MMAB: variants seen among roughly 807,000 people sequenced by gnomAD.
MMAB encodes the protein corrinoid adenosyltransferase MMAB.
Under a neutral mutation model 30.6 loss-of-function variants are expected in MMAB, and 17 were observed. The observed-to-expected ratio is 0.56, with a 90% CI of 0.38 to 0.83. The LOEUF is 0.83. Ranked by LOEUF, MMAB falls within the 40% of genes least tolerant of loss-of-function variation. MMAB has a pLI of 0.00. For synonymous variants in MMAB, 134 were observed against 138.6 expected, an observed-to-expected ratio of 0.97 and a Z score of 0.23; for missense variants, 311 against 331.6, an observed-to-expected ratio of 0.94 and a Z score of 0.48.
chr12:109,567,254 T>G, intron 3 of MMAB: 1 of 350,576 alleles, frequency 2.9e-6, no homozygotes, highest in South Asian at 2.2e-5. Context: ...AAACATGGAA[T>G]CATCTCATTT....
rs1230233128 is a variant in MMAB at position 109,561,738 on chromosome 12, AC to A, written c.421+41del. The A allele has an allele frequency of 1.9e-6, 3 of 1,538,936 alleles. No individual in the cohort carries two copies. The highest frequency in any genetic ancestry group is 2.7e-6 in the Non-Finnish European group (3 of 1,126,182). Reference sequence around the variant, plus strand: ...ATGGTGACCCTAGGAGAGTCCCCTGACCCTAGGGCCCTCTGAACACCCACAG... The same window carrying A: ...ATGGTGACCCTAGGAGAGTCCCCTGACCTAGGGCCCTCTGAACACCCACAG... On this transcript the variant is annotated intron_variant, in intron 5 of 8. Coordinates refer to ENST00000545712, the MANE Select transcript of MMAB (RefSeq NM_052845.4). This position sits in a 1 kb window ranked among gnomAD's most constrained non-coding sequence, Gnocchi z 5.3.
chr12:109,562,097 C>A (rs1293764630), intron 4 of MMAB, among the ~76,000 whole-genome samples: 1 of 152,130 alleles, frequency 6.6e-6, no homozygotes, highest in African/African-American at 2.4e-5. Context: ...TTAGCCCCAG[C>A]CCCCTAGTGC....
At position 109,573,459 on chromosome 12, in the gene MMAB, TC is replaced by T. The variant is rs1328916645; in HGVS notation, c.21del (p.Ser8AlafsTer85). MAVCGL[G>X]SRLGLGSRLG... is the part of the protein sequence containing the mutation. ...AGACGGCTCCCCAGGCCAAGACGGCTCCCCAGGCCGCACACAGCCATGAGCC... is the reference window on the plus strand; with the variant it reads ...AGACGGCTCCCCAGGCCAAGACGGCTCCCAGGCCGCACACAGCCATGAGCC... On this transcript the variant is annotated frameshift_variant, in exon 1 of 9. Coordinates refer to ENST00000545712, the MANE Select transcript of MMAB (RefSeq NM_052845.4). LOFTEE classifies it high-confidence loss of function. 1.2e-6 allele frequency: 2 copies of T among 1,606,130 alleles called. No homozygotes were observed. Among genetic ancestry groups the T allele is most frequent in the South Asian group, 1.1e-5 (1 of 90,506 alleles).
chr12:109,570,591 G>T (rs993673121), intron 2 of MMAB, among the ~76,000 whole-genome samples: 1 of 152,080 alleles, frequency 6.6e-6, no homozygotes, highest in South Asian at 2.1e-4. Context: ...TACTGTCTTG[G>T]TGCGGTAGCT....
chr12:109,571,046 C>G (rs909175334), intron 2 of MMAB, among the ~76,000 whole-genome samples: 3 of 152,140 alleles, frequency 2.0e-5, no homozygotes, highest in Non-Finnish European at 4.4e-5. Flanking sequence ...TTGTTCCCCT[C>G]TCACAACTTA....
chr12:109,571,126 T>G (rs1884614836), intron 2 of MMAB, among the ~76,000 whole-genome samples: 2 of 152,342 alleles, frequency 1.3e-5, no homozygotes, highest in Admixed American at 1.3e-4. Context: ...CACACATATA[T>G]GTACATGCTT....
At position 109,556,233 on chromosome 12, in the gene MMAB, C is replaced by T. The variant is rs1362509722; in HGVS notation, c.*795G>A. On this transcript the variant is annotated 3_prime_UTR_variant, in exon 9 of 9. Transcript: ENST00000545712. ...GAGAAATCAGTCTGGTGGATGTCAG[C>T]CTTGCTGGAAACTGACAACCTCATT... 1 of 454,078 alleles carries T rather than the reference C, an allele frequency of 2.2e-6. No individual in the cohort carries two copies. Among genetic ancestry groups the T allele is most frequent in the South Asian group, 1.6e-5 (1 of 64,472 alleles). The allele number at this position is 454,078 out of a possible 1,614,324, so 28.1% of individuals were successfully genotyped here. A position where few individuals can be genotyped will look rare whatever the true frequency, so the allele number is the denominator to read the frequency against.
In MMAB at chr12:109,561,499, G is replaced by A. The variant is rs557920029; in HGVS notation, c.440C>T (p.Ala147Val). ...CTGCTCCAGCTCCAGGATGGGCCCCGCCTTGAACGTGGTATACTCTGAGGA... is the reference window on the plus strand; with the variant it reads ...CTGCTCCAGCTCCAGGATGGGCCCCACCTTGAACGTGGTATACTCTGAGGA... ...EAHLKYTTFK[A>V]GPILELEQWI... Residue 147 changes from alanine to valine, a missense_variant, in exon 6 of 9, where the codon GCG becomes GTG. Transcript: ENST00000545712. The surrounding 1 kb of genome is among the most constrained non-coding windows in gnomAD (Gnocchi z 5.3). 15 of 1,549,504 alleles carry A rather than the reference G, an allele frequency of 9.7e-6. No individual in the cohort carries two copies. Among genetic ancestry groups the A allele is most frequent in the Non-Finnish European group, 1.3e-5 (15 of 1,146,944 alleles).
At chr12:109,566,198 C>T (rs1311627673) in intron 3 of MMAB, among the ~76,000 whole-genome samples, 2 of 152,242 alleles carry the variant, frequency 1.3e-5, no homozygotes, top group Non-Finnish European at 2.9e-5. Context: ...TGCACTCACT[C>T]TCCTATCACC....
chr12:109,560,573 G>A (rs1204169920), intron 7 of MMAB, among the ~76,000 whole-genome samples: 1 of 152,142 alleles, frequency 6.6e-6, no homozygotes, highest in African/African-American at 2.4e-5. Context: ...TGCTGACAAC[G>A]TCCACCTGGG....
In MMAB at chr12:109,573,497, C is replaced by A; in HGVS notation, c.-17G>T. On this transcript the variant is annotated 5_prime_UTR_variant, in exon 1 of 9. Coordinates refer to ENST00000545712, the MANE Select transcript of MMAB (RefSeq NM_052845.4). ...CACAGCCATGAGCCAGGCTGCTTGA[C>A]GGGACCTGACCCCGCCAGGTTCCCG... 2 of 1,591,618 alleles carry A rather than the reference C, an allele frequency of 1.3e-6. No homozygotes were observed. Among genetic ancestry groups the A allele is most frequent in the African/African-American group, 2.7e-5 (2 of 74,778 alleles).
Position 109,554,611 on chromosome 12 carries a change from GGT to G in MMAB, c.*2415_*2416del, listed in dbSNP as rs1469036081. The stretch of plus-strand genomic sequence containing the variant: ...CTGATTGTTTCTGAGAGTTGCCAGT[GGT>G]GTGCAAACACTGGGGCAGCGGGGGC... On this transcript the variant is annotated 3_prime_UTR_variant, in exon 9 of 9. Coordinates refer to ENST00000545712, the MANE Select transcript of MMAB (RefSeq NM_052845.4). 1 of 454,128 alleles carries G rather than the reference GGT, an allele frequency of 2.2e-6. No individual in the cohort carries two copies. The highest frequency in any genetic ancestry group is 2.3e-5 in the Admixed American group (1 of 42,580). 28.1% of individuals were successfully genotyped at this position (454,128 alleles called of 1,614,324 possible).
In MMAB at chr12:109,553,936, G is replaced by C. The variant is rs1192837039; in HGVS notation, c.*3092C>G. On this transcript the variant is annotated 3_prime_UTR_variant, in exon 9 of 9. Coordinates refer to ENST00000545712, the MANE Select transcript of MMAB (RefSeq NM_052845.4). ...TGTCATTGGGATGTGTTACAAGTTC[G>C]GGCTGTGGAAATTACTCGATGAAAA... is the stretch of plus-strand genomic sequence containing the variant. The C allele has an allele frequency of 2.2e-6, 1 of 453,926 alleles. No homozygotes were observed. The highest frequency in any genetic ancestry group is 2.4e-5 in the Admixed American group (1 of 42,540). 28.1% of individuals were successfully genotyped at this position (453,926 alleles called of 1,614,324 possible).
chr12:109,563,412 C>T (rs149455751), intron 4 of MMAB, among the ~76,000 whole-genome samples: 2 of 152,356 alleles, frequency 1.3e-5, no homozygotes, highest in Non-Finnish European at 2.9e-5. Flanking sequence ...TGCTGCCCGG[C>T]CTCATCCACA....
intron 1 of MMAB, among the ~76,000 whole-genome samples, chr12:109,572,339 G>A (rs929901676): frequency 2.0e-5 from 3 of 151,710 alleles, no homozygotes; most frequent in Admixed American, 6.6e-5. Context: ...CTGCCTCCCA[G>A]GCTCAAACAA....
In MMAB at chr12:109,569,156, G is replaced by A. The variant is rs1019952285; in HGVS notation, c.197-293C>T. Among the ~76,000 whole-genome samples the A allele has an allele frequency of 2.6e-5, 4 of 151,924 alleles. No homozygotes were observed. Among genetic ancestry groups the A allele is most frequent in the Non-Finnish European group, 5.9e-5 (4 of 68,000 alleles). On this transcript the variant is annotated intron_variant, in intron 2 of 8. Transcript: ENST00000545712. The surrounding 1 kb of genome is among the most constrained non-coding windows in gnomAD (Gnocchi z 4.1). ...AGACGGGTTTTCGCCCATGTTGGCC[G>A]AGCTAGTCTTGAACTCCTGGTCTCA...
chr12:109,573,245 T>C, intron 1 of MMAB, 102 bp downstream of exon 1: 2 of 1,506,728 alleles, frequency 1.3e-6, no homozygotes, highest in Non-Finnish European at 1.8e-6. Flanking sequence ...AGACGTCACC[T>C]GACGGTTGCC....
Position 109,554,136 on chromosome 12 carries a change from G to C in MMAB, c.*2892C>G, listed in dbSNP as rs562206916. 1.6e-4 allele frequency: 74 copies of C among 453,876 alleles called. No individual in the cohort carries two copies. The highest frequency in any genetic ancestry group is 5.4e-4 in the Admixed American group (23 of 42,560). 28.1% of individuals were successfully genotyped at this position (453,876 alleles called of 1,614,324 possible). ...GCACGGGGCTGTGAGTGACGAGGCCGCGTCCGGGGCTCACATCTTGGCACT... is the reference window on the plus strand; with the variant it reads ...GCACGGGGCTGTGAGTGACGAGGCCCCGTCCGGGGCTCACATCTTGGCACT... On this transcript the variant is annotated 3_prime_UTR_variant, in exon 9 of 9. Coordinates refer to ENST00000545712, the MANE Select transcript of MMAB (RefSeq NM_052845.4).
chr12:109,561,588 C>T lies in MMAB; in HGVS notation c.422-71G>A, dbSNP rs1002849150. 53 of 1,382,504 alleles carry T rather than the reference C, an allele frequency of 3.8e-5. No individual in the cohort carries two copies. The South Asian group carries it at 4.8e-4, about 13-fold the overall frequency. 85.6% of individuals were successfully genotyped at this position (1,382,504 alleles called of 1,614,324 possible). ...ACCAGACCATGGCGGGAACCACCCCCGCCGCCCTTCCACCTGGGTGTCCCG... is the reference window on the plus strand; with the variant it reads ...ACCAGACCATGGCGGGAACCACCCCTGCCGCCCTTCCACCTGGGTGTCCCG... On this transcript the variant is annotated intron_variant, in intron 5 of 8. Transcript: ENST00000545712. This position sits in a 1 kb window ranked among gnomAD's most constrained non-coding sequence, Gnocchi z 5.3.
Sources: gnomAD v4.1 joint callset for allele counts (sites outside exome capture counted in the v4.1 genomes callset) on GRCh38, gnomAD v4.1.1 for gene constraint, Gnocchi (gnomAD v3.1) non-coding constraint, MANE v1.5 for transcripts, NCBI Gene and HGNC (gene_info 2026-07-23, HGNC 2026-07-21) for gene names.